Variants in PTPRD observed in about 807,000 individuals in gnomAD.
PTPRD encodes protein tyrosine phosphatase receptor type D.
In PTPRD, 34 loss-of-function variants were observed where a neutral mutation model predicts 214.5. That is an observed-to-expected ratio of 0.16 (90% CI 0.12 to 0.21). The LOEUF is 0.21. PTPRD is among the 10% of genes least tolerant of loss of function. The probability of loss-of-function intolerance (pLI) is 1.00; values close to 1 mark genes in which losing one functional copy is unlikely to be tolerated. For synonymous variants in PTPRD, 1,128 were observed against 845.7 expected (o/e 1.33, Z -5.79); for missense variants, 2,545 against 2,398.7 (o/e 1.06, Z -1.27).
chr9:9,018,309 G>C (rs2099544894), intron 11 of PTPRD, among the ~76,000 whole-genome samples: 1 of 152,086 alleles, frequency 6.6e-6, no homozygotes, highest in Non-Finnish European at 1.5e-5. Flanking sequence ...CTACTCCATT[G>C]ATAGGCTAGA....
At chr9:9,741,522 G>A (rs1487343191) in intron 6 of PTPRD, among the ~76,000 whole-genome samples, 1 of 151,956 alleles carries the variant, frequency 6.6e-6, no homozygotes, top group African/African-American at 2.4e-5. Flanking sequence ...TTGTTACATA[G>A]GTATACATGT....
At chr9:9,992,575 G>A (rs200100823) in intron 4 of PTPRD, among the ~76,000 whole-genome samples, 5 of 152,276 alleles carry the variant, frequency 3.3e-5, no homozygotes, top group African/African-American at 9.6e-5. Flanking sequence ...GATAGACTGG[G>A]TTAAGAAAAT....
intron 2 of PTPRD, among the ~76,000 whole-genome samples, chr9:10,405,225 T>G (rs1424010947): frequency 6.6e-6 from 1 of 151,678 alleles, no homozygotes; most frequent in East Asian, 2.0e-4. Flanking sequence ...ATTATCTTAA[T>G]AGAGAGAATT....
At chr9:9,900,641 G>GTTTGGTTTTTTTTTTTTT (rs1555302233) in intron 5 of PTPRD, among the ~76,000 whole-genome samples, 47 of 120,096 alleles carry the variant, frequency 3.9e-4, no homozygotes, top group African/African-American at 1.4e-3. Flanking sequence ...ACATTTTCAG[G>GTTTGGTTTTTTTTTTTTT]TTTTTTTTTT....
At chr9:8,836,471 T>C (rs548498987) in intron 11 of PTPRD, among the ~76,000 whole-genome samples, 3 of 151,866 alleles carry the variant, frequency 2.0e-5, no homozygotes, top group East Asian at 1.9e-4. Flanking sequence ...ATATTCTAAG[T>C]ATACCAACAA....
At chr9:9,311,431 C>A (rs1016276931) in intron 9 of PTPRD, among the ~76,000 whole-genome samples, 2 of 152,098 alleles carry the variant, frequency 1.3e-5, no homozygotes, top group Non-Finnish European at 2.9e-5. Flanking sequence ...AAAACAAAAT[C>A]ATCCCCCTAA....
chr9:10,126,364 T>C (rs1449882047), intron 3 of PTPRD, among the ~76,000 whole-genome samples: 2 of 151,816 alleles, frequency 1.3e-5, no homozygotes, highest in Non-Finnish European at 2.9e-5. Context: ...CTCACAGTCT[T>C]TTACTCATTT....
chr9:10,355,097 T>G (rs1316969180), intron 2 of PTPRD, among the ~76,000 whole-genome samples: 3 of 152,212 alleles, frequency 2.0e-5, no homozygotes, highest in Non-Finnish European at 4.4e-5. Context: ...CAAATTTTAT[T>G]CTGGCAAAAT....
chr9:9,598,118 C>T (rs902081728), intron 7 of PTPRD, among the ~76,000 whole-genome samples: 43 of 152,042 alleles, frequency 2.8e-4, no homozygotes, highest in Admixed American at 1.1e-3. Flanking sequence ...CCCCAACACT[C>T]CTTCAAAACC....
intron 3 of PTPRD, among the ~76,000 whole-genome samples, chr9:10,049,934 T>C (rs2097496313): frequency 6.6e-6 from 1 of 152,188 alleles, no homozygotes; most frequent in Non-Finnish European, 1.5e-5. Context: ...TAGTCAATTA[T>C]TTTGTCATTT....
intron 9 of PTPRD, among the ~76,000 whole-genome samples, chr9:9,324,833 T>C (rs556144023): frequency 5.3e-5 from 8 of 152,338 alleles, no homozygotes; most frequent in African/African-American, 1.4e-4. Flanking sequence ...AGGTCTAACA[T>C]GTAAGTCTTT....
chr9:8,774,302 A>G (rs1005855629), intron 11 of PTPRD, among the ~76,000 whole-genome samples: 1 of 152,142 alleles, frequency 6.6e-6, no homozygotes, highest in African/African-American at 2.4e-5. Context: ...TCAATTGCTA[A>G]TTTGAATAAC....
intron 3 of PTPRD, among the ~76,000 whole-genome samples, chr9:10,301,622 T>C (rs537876373): frequency 8.9e-4 from 136 of 152,020 alleles, no homozygotes; most frequent in South Asian, 6.6e-3. Context: ...TTGTGAAGCA[T>C]ACACAAGTAT....
intron 7 of PTPRD, among the ~76,000 whole-genome samples, chr9:9,612,504 G>A (rs1442782830): frequency 6.6e-6 from 1 of 152,132 alleles, no homozygotes; most frequent in Non-Finnish European, 1.5e-5. Context: ...AACTCAAAGG[G>A]CAAGTAGACA....
chr9:9,359,685 T>C (rs2055253266), intron 9 of PTPRD, among the ~76,000 whole-genome samples: 1 of 151,302 alleles, frequency 6.6e-6, no homozygotes, highest in African/African-American at 2.4e-5. Context: ...TGAACTTGGT[T>C]CTAAGCTGAT....
At chr9:10,588,280 C>G (rs550399677) in intron 2 of PTPRD, among the ~76,000 whole-genome samples, 97 of 152,040 alleles carry the variant, frequency 6.4e-4, no homozygotes, top group African/African-American at 2.3e-3. Context: ...TAAGGTAGTG[C>G]AAAGTACATG....
intron 2 of PTPRD, among the ~76,000 whole-genome samples, chr9:10,489,620 T>C (rs2099154496): frequency 6.6e-6 from 1 of 152,126 alleles, no homozygotes; most frequent in Admixed American, 6.5e-5. Flanking sequence ...TTGGGGAGAC[T>C]ACCATCATTG....
intron 2 of PTPRD, among the ~76,000 whole-genome samples, chr9:10,372,917 T>A (rs1403108210): frequency 1.3e-5 from 2 of 151,136 alleles, no homozygotes; most frequent in African/African-American, 4.9e-5. Context: ...TGGTGCGATC[T>A]TGGCTTCCGA....
chr9:9,253,242 T>A (rs531650240), intron 9 of PTPRD, among the ~76,000 whole-genome samples: 1 of 152,160 alleles, frequency 6.6e-6, no homozygotes, highest in East Asian at 1.9e-4. Flanking sequence ...TATCTATTTT[T>A]TTGGCTAAAA....
Sources: gnomAD v4.1 joint callset for allele counts (sites outside exome capture counted in the v4.1 genomes callset) on GRCh38, gnomAD v4.1.1 for gene constraint, MANE v1.5 for transcripts, NCBI Gene and HGNC (gene_info 2026-07-23, HGNC 2026-07-21) for gene names.